The following FHAD1 variants were observed in gnomAD, a reference collection of about 807,000 sequenced individuals.
FHAD1 encodes forkhead-associated domain-containing protein 1.
In FHAD1, 146 loss-of-function variants were observed where a neutral mutation model predicts 191.3. The observed-to-expected ratio is 0.76, with a 90% CI of 0.67 to 0.88. The LOEUF (loss-of-function observed/expected upper bound fraction) is 0.88. FHAD1 is among the 40% of genes least tolerant of loss of function. The pLI is 0.00. For missense variants in FHAD1, 1,635 were observed against 1,785.8 expected (o/e 0.92, Z 1.52); for synonymous variants, 616 against 672.3 (o/e 0.92, Z 1.29).
In FHAD1 at chr1:15,383,840, G is replaced by A. The variant is rs200177095; in HGVS notation, c.4188+1647G>A. On this transcript the variant is annotated intron_variant, in intron 31 of 33. Coordinates refer to ENST00000688493, the MANE Select transcript of FHAD1 (RefSeq NM_001391957.1). The stretch of plus-strand genomic sequence containing the variant: ...ACTGCGCCTCAGAGAGTTAAGAGGC[G>A]CCCAAGTGCACACAGCGGCTGGTAA... The A allele has an allele frequency of 4.8e-4, 213 of 443,390 alleles. 2 individuals are homozygous for A. The highest frequency in any genetic ancestry group is 8.3e-4 in the Non-Finnish European group (182 of 219,436). The allele number at this position is 443,390 out of a possible 1,614,324, so 27.5% of individuals were successfully genotyped here. A position where few individuals can be genotyped will look rare whatever the true frequency, so the allele number is the denominator to read the frequency against.
chr1:15,258,490 A>C (rs967334253), intron 2 of FHAD1, among the ~76,000 whole-genome samples: 5 of 151,700 alleles, frequency 3.3e-5, no homozygotes, highest in Admixed American at 6.6e-5. Context: ...TTGTTGATCC[A>C]TTCATCTGTC....
chr1:15,257,619 T>C (rs1489667970), intron 2 of FHAD1, among the ~76,000 whole-genome samples: 2 of 152,192 alleles, frequency 1.3e-5, no homozygotes, highest in African/African-American at 4.8e-5. Flanking sequence ...TCGTCAGTCC[T>C]CAGGGAACTC....
rs368167687 is a variant in FHAD1, at chr1:15,285,096, A to G, written c.301-4303A>G. Among the ~76,000 whole-genome samples, 41 of 152,246 alleles carry G rather than the reference A, an allele frequency of 2.7e-4. No homozygotes were observed. In the South Asian group the frequency reaches 8.3e-3, roughly 31 times the overall value. On this transcript the variant is annotated intron_variant, in intron 3 of 33. Coordinates refer to ENST00000688493, the MANE Select transcript of FHAD1 (RefSeq NM_001391957.1). ...AGGAGTCTTTTTTTTATGTTTGTTTATCCTCCTCACTGTTTCCTTGTAGTT... is the reference window on the plus strand; with the variant it reads ...AGGAGTCTTTTTTTTATGTTTGTTTGTCCTCCTCACTGTTTCCTTGTAGTT...
chr1:15,324,625 TG>T, intron 11 of FHAD1, 66 bp downstream of exon 11: 1 of 1,188,052 alleles, frequency 8.4e-7, no homozygotes, highest in Non-Finnish European at 1.2e-6. Context: ...AAGCAGCCAG[TG>T]GGGGTGAGAG....
chr1:15,268,034 G>A (rs1227414704), intron 2 of FHAD1, among the ~76,000 whole-genome samples: 1 of 150,266 alleles, frequency 6.7e-6, no homozygotes, highest in Non-Finnish European at 1.5e-5. Flanking sequence ...TAGGGTACAT[G>A]TGCACAATGT....
At chr1:15,300,558 G>A (rs1309319448) in intron 5 of FHAD1, among the ~76,000 whole-genome samples, 1 of 152,144 alleles carries the variant, frequency 6.6e-6, no homozygotes, top group East Asian at 1.9e-4. Flanking sequence ...TTAGACTGAG[G>A]CCTGGTAAGT....
intron 19 of FHAD1, among the ~76,000 whole-genome samples, chr1:15,350,972 C>T (rs1048738049): frequency 2.0e-5 from 3 of 152,328 alleles, no homozygotes; most frequent in South Asian, 2.1e-4. Context: ...CTTATACATA[C>T]GAGCCAGGGA....
At chr1:15,306,750 T>C (rs1670622896) in intron 6 of FHAD1, among the ~76,000 whole-genome samples, 1 of 152,266 alleles carries the variant, frequency 6.6e-6, no homozygotes, top group Non-Finnish European at 1.5e-5. Context: ...GAATTGAGGT[T>C]TGGGAACCTC....
At chr1:15,341,635 C>G in intron 15 of FHAD1, 101 bp from the exon 16 acceptor site, 1 of 1,064,820 alleles carries the variant, frequency 9.4e-7, no homozygotes, top group Non-Finnish European at 1.3e-6. Flanking sequence ...TTGGGTAAAC[C>G]TTTGTACCCA....
intron 23 of FHAD1, chr1:15,364,028 G>A (rs1216878403): frequency 2.2e-5 from 7 of 321,178 alleles, no homozygotes; most frequent in Admixed American, 1.3e-4. Flanking sequence ...TCTAGAAACG[G>A]TGGTGCCCAT....
intron 3 of FHAD1, among the ~76,000 whole-genome samples, chr1:15,284,423 G>A (rs1294662215): frequency 1.3e-5 from 2 of 150,066 alleles, no homozygotes; most frequent in African/African-American, 4.9e-5. Context: ...AGCTTGCAGT[G>A]AGCTGAGATT....
chr1:15,328,217 GC>G, intron 12 of FHAD1, 59 bp from the exon 13 acceptor site: 7 of 1,351,274 alleles, frequency 5.2e-6, no homozygotes, highest in South Asian at 3.5e-5. Context: ...TTCCCTCAGG[GC>G]CCCCCACCCC....
intron 31 of FHAD1, among the ~76,000 whole-genome samples, chr1:15,386,174 TG>T (rs1271891678): frequency 6.6e-6 from 1 of 152,078 alleles, no homozygotes; most frequent in Non-Finnish European, 1.5e-5. Context: ...ACCTGCTTCG[TG>T]GGGTGGTTAA....
At chr1:15,262,422 C>A (rs913279936) in intron 2 of FHAD1, among the ~76,000 whole-genome samples, 3 of 152,160 alleles carry the variant, frequency 2.0e-5, no homozygotes, top group Non-Finnish European at 4.4e-5. Flanking sequence ...AGATCACTTG[C>A]CCAGGGTCAC....
At chr1:15,358,409 C>A in intron 21 of FHAD1, 126 bp downstream of exon 21, 1 of 899,642 alleles carries the variant, frequency 1.1e-6, no homozygotes. Context: ...GGCCAAGTAG[C>A]TCTTTCCTGT....
intron 24 of FHAD1, among the ~76,000 whole-genome samples, chr1:15,366,412 T>C (rs574159750): frequency 2.6e-5 from 4 of 151,472 alleles, no homozygotes; most frequent in Admixed American, 2.0e-4. Flanking sequence ...CCCTGATTCC[T>C]ACCCGCACTG....
At chr1:15,363,656 G>A (rs552704859) in intron 23 of FHAD1, 8 of 433,588 alleles carry the variant, frequency 1.8e-5, no homozygotes, top group South Asian at 6.6e-5. Context: ...TTGGTGGGGC[G>A]GGGCCCTGTA....
intron 23 of FHAD1, 133 bp from the exon 24 acceptor site, chr1:15,365,694 T>A: frequency 5.3e-6 from 3 of 571,348 alleles, no homozygotes; most frequent in Non-Finnish European, 3.2e-6. Context: ...ACTGTCCTCA[T>A]CCTTTGCTGG....
upstream of FHAD1, among the ~76,000 whole-genome samples, chr1:15,242,778 G>A (rs1282813038): frequency 6.6e-6 from 1 of 152,166 alleles, no homozygotes; most frequent in African/African-American, 2.4e-5. Flanking sequence ...TTGTGACCTG[G>A]GTTGAGATTG....
Sources: gnomAD v4.1 joint callset for allele counts (sites outside exome capture counted in the v4.1 genomes callset) on GRCh38, gnomAD v4.1.1 for gene constraint, MANE v1.5 for transcripts, NCBI Gene and HGNC (gene_info 2026-07-23, HGNC 2026-07-21) for gene names.